Variants in PCDH15 observed in about 807,000 individuals in gnomAD.
PCDH15 encodes the protein protocadherin related 15, also known as protocadherin-15.
PCDH15 carries 129 observed loss-of-function variants against 178.5 expected under a neutral mutation model. The observed-to-expected ratio is 0.72, with a 90% CI of 0.63 to 0.84. The LOEUF is 0.84. Ranked by LOEUF, PCDH15 falls within the 40% of genes least tolerant of loss-of-function variation. The pLI, the probability that PCDH15 is intolerant of heterozygous loss-of-function variation, is 0.00. For synonymous variants in PCDH15, 800 were observed against 732.0 expected (o/e 1.09, Z -1.50); for missense variants, 2,230 against 2,099.9 (o/e 1.06, Z -1.21).
intron 2 of PCDH15, among the ~76,000 whole-genome samples, chr10:55,618,357 C>T (rs915491490): frequency 2.0e-5 from 3 of 152,032 alleles, no homozygotes; most frequent in African/African-American, 2.4e-5. Flanking sequence ...TCTATTAATG[C>T]TGAGAAACTG....
At position 54,170,187 on chromosome 10, in the gene PCDH15, A is replaced by G. The variant is rs1050731455; in HGVS notation, c.1590+13257T>C. ...TTCTTCCTCATCTGTTACCTATCTCAGCATAATTCTCATAAAAACACACGT... is the reference window on the plus strand; with the variant it reads ...TTCTTCCTCATCTGTTACCTATCTCGGCATAATTCTCATAAAAACACACGT... On this transcript the variant is annotated intron_variant, in intron 13 of 37. Coordinates refer to ENST00000644397, the MANE Select transcript of PCDH15 (RefSeq NM_001384140.1). 6.7e-5 allele frequency among the ~76,000 whole-genome samples: 10 copies of G among 150,046 alleles called. No homozygotes were observed. In the East Asian group the frequency reaches 1.2e-3, roughly 17 times the overall value.
intron 2 of PCDH15, among the ~76,000 whole-genome samples, chr10:54,992,834 G>A (rs1212140712): frequency 1.3e-5 from 2 of 151,708 alleles, no homozygotes; most frequent in Admixed American, 1.3e-4. Flanking sequence ...CTAGCTTTTG[G>A]GTCTCTGGTT....
At chr10:54,200,719 C>T (rs569363016) in intron 10 of PCDH15, among the ~76,000 whole-genome samples, 53 of 152,250 alleles carry the variant, frequency 3.5e-4, no homozygotes, top group African/African-American at 7.9e-4. Flanking sequence ...AACAGCTTCT[C>T]GGTTCTCTTC....
chr10:55,126,299 A>C (rs1837898891), intron 2 of PCDH15, among the ~76,000 whole-genome samples: 1 of 152,124 alleles, frequency 6.6e-6, no homozygotes, highest in African/African-American at 2.4e-5. Context: ...GGGGATGATG[A>C]ATAACCCATA....
chr10:55,456,674 C>T lies in PCDH15; in HGVS notation c.-156+170951G>A, dbSNP rs543403993. On this transcript the variant is annotated intron_variant, in intron 2 of 5. Coordinates refer to the PCDH15 transcript ENST00000613346. Reference sequence around the variant, plus strand: ...TGGATAAAAATAAAATTACCTAAAACTTTTATTGGATAAGGACTGAATTAT... The same window carrying T: ...TGGATAAAAATAAAATTACCTAAAATTTTTATTGGATAAGGACTGAATTAT... Among the ~76,000 whole-genome samples, 31 of 151,928 alleles carry T rather than the reference C, an allele frequency of 2.0e-4. No individual in the cohort carries two copies. The South Asian group carries it at 2.3e-3, about 11-fold the overall frequency.
rs1291283166 is a variant in PCDH15, at chr10:54,238,423, T to C, written c.877-1492A>G. ...TAATTTAAACACCATAGACATTGTA[T>C]GGGGTTTCTCTCGAGTTCATTATCA... is the stretch of plus-strand genomic sequence containing the variant. On this transcript the variant is annotated intron_variant, in intron 8 of 37. Coordinates refer to ENST00000644397, the MANE Select transcript of PCDH15 (RefSeq NM_001384140.1). Among the ~76,000 whole-genome samples, 4 of 152,048 alleles carry C rather than the reference T, an allele frequency of 2.6e-5. No individual in the cohort carries two copies. The South Asian group carries it at 6.2e-4, about 24-fold the overall frequency.
chr10:55,076,100 C>T (rs1360522460), intron 2 of PCDH15, among the ~76,000 whole-genome samples: 1 of 152,102 alleles, frequency 6.6e-6, no homozygotes, highest in Non-Finnish European at 1.5e-5. Context: ...TCTGAGAAGA[C>T]ACTTGACATG....
intron 1 of PCDH15, among the ~76,000 whole-genome samples, chr10:55,171,392 T>C (rs867395505): frequency 6.6e-6 from 1 of 152,212 alleles, no homozygotes; most frequent in Non-Finnish European, 1.5e-5. Flanking sequence ...CCAACATTTC[T>C]ATGTTCATGA....
chr10:54,538,126 C>T (rs186492311), intron 2 of PCDH15, among the ~76,000 whole-genome samples: 2 of 152,138 alleles, frequency 1.3e-5, no homozygotes, highest in East Asian at 1.9e-4. Context: ...TATGTAGGTC[C>T]CACTTGTCAA....
chr10:54,823,211 A>ACG (rs1295769606), intron 3 of PCDH15, among the ~76,000 whole-genome samples: 1 of 145,710 alleles, frequency 6.9e-6, no homozygotes, highest in African/African-American at 2.5e-5. Context: ...GCATAAACAC[A>ACG]CACACACACA....
intron 3 of PCDH15, among the ~76,000 whole-genome samples, chr10:54,417,941 T>C (rs151026954): frequency 5.7e-4 from 87 of 152,284 alleles, no homozygotes; most frequent in Middle Eastern, 3.4e-3. Context: ...CTTATTATTT[T>C]GCCCAGGCTA....
intron 2 of PCDH15, among the ~76,000 whole-genome samples, chr10:54,914,676 C>T (rs1399743306): frequency 6.6e-6 from 1 of 152,152 alleles, no homozygotes; most frequent in Non-Finnish European, 1.5e-5. Context: ...ATGACAATAA[C>T]TGAGCCCACT....
At chr10:55,391,638 C>T (rs1428355623) in intron 2 of PCDH15, among the ~76,000 whole-genome samples, 1 of 151,888 alleles carries the variant, frequency 6.6e-6, no homozygotes, top group Non-Finnish European at 1.5e-5. Context: ...AGGCATGCAC[C>T]ACCACACCCG....
intron 8 of PCDH15, among the ~76,000 whole-genome samples, chr10:54,307,102 GTGTATATATATATA>G (rs2060584654): frequency 8.5e-5 from 1 of 11,730 alleles, no homozygotes; most frequent in Non-Finnish European, 1.4e-4. Context: ...ATGTGTGTGT[GTGTATATATATATA>G]TATATATATA....
rs143445860 is a variant in PCDH15, at chr10:54,074,769, C to T, written c.2091+4562G>A. Among the ~76,000 whole-genome samples the T allele has an allele frequency of 2.5e-3, 374 of 152,156 alleles. 1 individual carries two copies. The highest frequency in any genetic ancestry group is 8.6e-3 in the African/African-American group (358 of 41,518). On this transcript the variant is annotated intron_variant, in intron 17 of 37. Coordinates refer to ENST00000644397, the MANE Select transcript of PCDH15 (RefSeq NM_001384140.1). ...TATTTTTAATTTTTTGAGAAACTACCACTGTTTTCCACAGTGGTTGTACCA... is the reference window on the plus strand; with the variant it reads ...TATTTTTAATTTTTTGAGAAACTACTACTGTTTTCCACAGTGGTTGTACCA...
intron 10 of PCDH15, among the ~76,000 whole-genome samples, chr10:54,202,304 A>G (rs72797098): frequency 2.5e-3 from 386 of 152,146 alleles, no homozygotes; most frequent in Admixed American, 5.3e-3. Flanking sequence ...TTTCGCAAAC[A>G]TTAGATATCT....
At chr10:55,157,353 G>C in intron 2 of PCDH15, among the ~76,000 whole-genome samples, 1 of 148,926 alleles carries the variant, frequency 6.7e-6, no homozygotes, top group East Asian at 2.0e-4. Context: ...TTACACTGTT[G>C]GTGGGACTGT....
At chr10:54,625,668 T>A (rs750155204) in intron 2 of PCDH15, among the ~76,000 whole-genome samples, 35 of 152,218 alleles carry the variant, frequency 2.3e-4, no homozygotes, top group Non-Finnish European at 4.0e-4. Context: ...GCGAGTTCTC[T>A]ATTAAACTTT....
chr10:54,139,150 C>T (rs1268123033), intron 14 of PCDH15, among the ~76,000 whole-genome samples: 1 of 151,894 alleles, frequency 6.6e-6, no homozygotes, highest in African/African-American at 2.4e-5. Context: ...GAACTATAAA[C>T]CCAGCTAACA....
Sources: gnomAD v4.1 joint callset for allele counts (sites outside exome capture counted in the v4.1 genomes callset) on GRCh38, gnomAD v4.1.1 for gene constraint, MANE v1.5 for transcripts, NCBI Gene and HGNC (gene_info 2026-07-23, HGNC 2026-07-21) for gene names.